Variants in ADAMTSL3 observed in about 807,000 individuals in gnomAD.
ADAMTSL3 encodes ADAMTS like 3, also known as ADAMTS-like protein 3.
In ADAMTSL3, 128 loss-of-function variants were observed where a neutral mutation model predicts 201.7. The observed-to-expected ratio is 0.63, with a 90% CI of 0.55 to 0.73. ADAMTSL3 has a LOEUF of 0.73. ADAMTSL3 is among the 30% of genes least tolerant of loss of function. The pLI, the probability that ADAMTSL3 is intolerant of heterozygous loss-of-function variation, is 0.00. For missense variants in ADAMTSL3, 1,990 were observed against 2,119.6 expected (o/e 0.94, Z 1.20); for synonymous variants, 738 against 748.4 (o/e 0.99, Z 0.23).
At chr15:83,771,695 C>T (rs2062986756) in intron 3 of ADAMTSL3, among the ~76,000 whole-genome samples, 1 of 152,160 alleles carries the variant, frequency 6.6e-6, no homozygotes, top group Non-Finnish European at 1.5e-5. Context: ...TGTTGATGGA[C>T]ATTGGGTTGC....
At chr15:83,845,702 A>G (rs2064484230) in intron 7 of ADAMTSL3, among the ~76,000 whole-genome samples, 1 of 152,194 alleles carries the variant, frequency 6.6e-6, no homozygotes, top group South Asian at 2.1e-4. Context: ...TATATGAAGC[A>G]ATTTTCCAAA....
intron 19 of ADAMTSL3, among the ~76,000 whole-genome samples, chr15:83,949,951 A>G (rs1433102803): frequency 6.6e-6 from 1 of 151,928 alleles, no homozygotes; most frequent in African/African-American, 2.4e-5. Context: ...ATTTTCTCCA[A>G]TTCTGTGGGT....
chr15:83,841,139 A>T (rs1437429204), intron 7 of ADAMTSL3, among the ~76,000 whole-genome samples: 1 of 152,240 alleles, frequency 6.6e-6, no homozygotes, highest in Admixed American at 6.5e-5. Context: ...AGGAGGCAGG[A>T]AACCAAGTAG....
intron 23 of ADAMTSL3, among the ~76,000 whole-genome samples, chr15:83,991,849 A>G (rs962878979): frequency 6.6e-6 from 1 of 152,206 alleles, no homozygotes; most frequent in African/African-American, 2.4e-5. Context: ...TCATTAAGCC[A>G]TGGATTCTTA....
At chr15:83,823,316 A>G (rs898257005) in intron 6 of ADAMTSL3, among the ~76,000 whole-genome samples, 2 of 152,214 alleles carry the variant, frequency 1.3e-5, no homozygotes, top group Admixed American at 1.3e-4. Context: ...CAAAAACAAT[A>G]GTAACAACAG....
chr15:83,897,583 G>GT (rs2141908367), intron 13 of ADAMTSL3, among the ~76,000 whole-genome samples: 1 of 152,284 alleles, frequency 6.6e-6, no homozygotes, highest in East Asian at 1.9e-4. Flanking sequence ...TATTTGAGCA[G>GT]TAAGATTTCA....
In ADAMTSL3 at chr15:83,982,155, A is replaced by G. The variant is rs2067394416; in HGVS notation, c.2645-118A>G. The G allele has an allele frequency of 8.9e-6, 7 of 783,342 alleles. No homozygotes were observed. In the East Asian group the frequency reaches 1.9e-4, roughly 21 times the overall value. 48.5% of individuals were successfully genotyped at this position (783,342 alleles called of 1,614,324 possible). ...TGGTTTTATTCTTGAATGTTTTAAA[A>G]TAGTAAAAAAGATACGTTTGTTAGC... On this transcript the variant is annotated intron_variant, in intron 20 of 29. Transcript: ENST00000286744.
Position 83,656,691 on chromosome 15 carries a change from A to G in ADAMTSL3, c.69+861A>G, listed in dbSNP as rs1333931703. The stretch of plus-strand genomic sequence containing the variant: ...CCAAGGGCTGCTGCTAGCTCCATAC[A>G]GTGTCTTATGAATTAGAACAAGGCA... On this transcript the variant is annotated intron_variant, in intron 2 of 29. Transcript: ENST00000286744. Among the ~76,000 whole-genome samples, 6 of 152,282 alleles carry G rather than the reference A, an allele frequency of 3.9e-5. No individual in the cohort carries two copies. In the Middle Eastern group the frequency reaches 0.014, roughly 345 times the overall value.
chr15:83,861,935 T>A (rs1225758526), intron 8 of ADAMTSL3: 1 of 152,172 alleles, frequency 6.6e-6, no homozygotes, highest in Non-Finnish European at 1.5e-5. Context: ...AAGAACCTGA[T>A]GGAGCTGAAA....
intron 3 of ADAMTSL3, among the ~76,000 whole-genome samples, chr15:83,719,831 T>A (rs192111447): frequency 1.1e-4 from 16 of 152,272 alleles, no homozygotes; most frequent in African/African-American, 3.8e-4. Context: ...TCCATATTAT[T>A]AATAAGGAAG....
At chr15:83,903,917 C>CAAAAAAAAAAAAAAAAAAAAAAAAAAAA (rs1168502648) in intron 15 of ADAMTSL3, among the ~76,000 whole-genome samples, 11 of 19,274 alleles carry the variant, frequency 5.7e-4, no homozygotes, top group Admixed American at 1.0e-3. Flanking sequence ...GACTCCACAT[C>CAAAAAAAAAAAAAAAAAAAAAAAAAAAA]AAAAAAAAAA....
In ADAMTSL3 at chr15:83,763,714, C is replaced by T. The variant is rs146413200; in HGVS notation, c.190-9809C>T. ...TAGAGACGAGGTTTCACCCTGTTAG[C>T]CAGGATGATCTCAATCTCCTGACCT... On this transcript the variant is annotated intron_variant, in intron 3 of 29. Coordinates refer to ENST00000286744, the MANE Select transcript of ADAMTSL3 (RefSeq NM_207517.3). Among the ~76,000 whole-genome samples the T allele has an allele frequency of 1.0e-2, 1,522 of 152,222 alleles. 17 individuals are homozygous for T. Among genetic ancestry groups the T allele is most frequent in the African/African-American group, 0.034 (1,398 of 41,546 alleles).
At chr15:83,686,340 A>G (rs1412162078) in intron 2 of ADAMTSL3, among the ~76,000 whole-genome samples, 1 of 152,228 alleles carries the variant, frequency 6.6e-6, no homozygotes, top group Non-Finnish European at 1.5e-5. Context: ...TAATGATGAG[A>G]TATCATCCAA....
intron 20 of ADAMTSL3, among the ~76,000 whole-genome samples, chr15:83,972,225 C>A (rs113959087): frequency 0.031 from 4,697 of 152,168 alleles, 98 homozygotes; most frequent in Middle Eastern, 0.061. Flanking sequence ...TTCTTTAGCC[C>A]ACGTTTTTAG....
chr15:84,035,181 T>C (rs192715381), intron 28 of ADAMTSL3, among the ~76,000 whole-genome samples: 58 of 152,312 alleles, frequency 3.8e-4, no homozygotes, highest in African/African-American at 1.4e-3. Context: ...CCTGTCTGAC[T>C]TCCCACTGGC....
At chr15:83,864,396 A>G (rs1345631780) in intron 8 of ADAMTSL3, among the ~76,000 whole-genome samples, 1 of 152,234 alleles carries the variant, frequency 6.6e-6, no homozygotes, top group African/African-American at 2.4e-5. Context: ...CCAGCAGCAC[A>G]TCAAAAAGCT....
At chr15:83,805,072 A>C (rs2063581547) in intron 5 of ADAMTSL3, among the ~76,000 whole-genome samples, 1 of 152,132 alleles carries the variant, frequency 6.6e-6, no homozygotes, top group Admixed American at 6.6e-5. Flanking sequence ...AGGCTGACCG[A>C]GGTAAAATTA....
chr15:83,818,631 T>G (rs989144616), intron 5 of ADAMTSL3, among the ~76,000 whole-genome samples: 5 of 152,234 alleles, frequency 3.3e-5, no homozygotes, highest in Non-Finnish European at 7.3e-5. Flanking sequence ...CTGGCGGCTA[T>G]GTTGCTTTTT....
At chr15:83,887,155 C>G (rs757994794) in intron 10 of ADAMTSL3, among the ~76,000 whole-genome samples, 2 of 152,140 alleles carry the variant, frequency 1.3e-5, no homozygotes, top group African/African-American at 4.8e-5. Context: ...GGCTCATCCT[C>G]CAGGAGATGA....
Sources: allele counts gnomAD v4.1 joint callset (sites outside exome capture counted in the v4.1 genomes callset), GRCh38; gene constraint gnomAD v4.1.1; transcripts MANE v1.5; gene names NCBI Gene and HGNC (gene_info 2026-07-23, HGNC 2026-07-21).